ITGAE: variants seen among roughly 807,000 people sequenced by gnomAD.
ITGAE encodes the protein integrin subunit alpha E.
A neutral mutation model predicts 136.5 loss-of-function variants in ITGAE; 99 were observed. The observed-to-expected ratio is 0.73, with a 90% CI of 0.62 to 0.86. The LOEUF (loss-of-function observed/expected upper bound fraction) is 0.86, where lower values mean the gene tolerates loss of function less well. Ranked by LOEUF, ITGAE falls within the 40% of genes least tolerant of loss-of-function variation. The probability of loss-of-function intolerance (pLI) is 0.00; values close to 1 mark genes in which losing one functional copy is unlikely to be tolerated. For missense variants in ITGAE, 1,447 were observed against 1,515.3 expected, an observed-to-expected ratio of 0.95 and a Z score of 0.75; for synonymous variants, 613 against 591.8, an observed-to-expected ratio of 1.04 and a Z score of -0.52.
At position 3,785,713 on chromosome 17, in the gene ITGAE, TTACAG is replaced by T. The variant is rs553683661; in HGVS notation, c.35-8058_35-8054del. ...CGTATCAATGAAACAGCAAACCAAC[TTACAG>T]TAGAGAAAACTAATGATGCTGAAGT... On this transcript the variant is annotated intron_variant, in intron 1 of 30. Coordinates refer to ENST00000263087, the MANE Select transcript of ITGAE (RefSeq NM_002208.5). Among the ~76,000 whole-genome samples, 9 of 151,302 alleles carry T rather than the reference TTACAG, an allele frequency of 5.9e-5. 1 individual carries two copies. The South Asian group carries it at 1.7e-3, about 28-fold the overall frequency.
intron 26 of ITGAE, chr17:3,725,509 A>G: frequency 1.2e-6 from 2 of 1,614,236 alleles, no homozygotes; most frequent in Non-Finnish European, 1.7e-6. Flanking sequence ...AATGGATCCC[A>G]TCAGAAAACC....
intron 3 of ITGAE, 131 bp downstream of exon 3, chr17:3,763,738 T>C (rs2052228391): frequency 1.4e-6 from 1 of 734,728 alleles, no homozygotes; most frequent in Non-Finnish European, 2.4e-6. Context: ...TGCTGTGGGT[T>C]ATGCTGGAGT....
chr17:3,777,098 C>A (rs1374986099), intron 2 of ITGAE, among the ~76,000 whole-genome samples: 5 of 152,140 alleles, frequency 3.3e-5, no homozygotes, highest in African/African-American at 1.2e-4. Flanking sequence ...GTAGCTGGGA[C>A]TACAGGCGCC....
At chr17:3,776,744 TG>T (rs397774339) in intron 2 of ITGAE, among the ~76,000 whole-genome samples, 3 of 151,404 alleles carry the variant, frequency 2.0e-5, no homozygotes, top group Admixed American at 6.6e-5. Flanking sequence ...TTTTTTGAGT[TG>T]GGGGGGTCTC....
At chr17:3,716,926 A>G (rs1200027109) in intron 29 of ITGAE, 128 bp from the exon 30 acceptor site, 4 of 606,586 alleles carry the variant, frequency 6.6e-6, no homozygotes, top group Non-Finnish European at 1.2e-5. Context: ...AGCTGATGAC[A>G]GTAAAGCAAA....
chr17:3,796,113 GTGCATCCC>G (rs780336258), intron 1 of ITGAE, among the ~76,000 whole-genome samples: 5 of 67,640 alleles, frequency 7.4e-5, no homozygotes, highest in East Asian at 2.7e-4. Flanking sequence ...GCATCCCTGT[GTGCATCCC>G]TGTGTGTGCA....
intron 23 of ITGAE, among the ~76,000 whole-genome samples, chr17:3,730,184 G>C (rs80136041): frequency 1.3e-5 from 2 of 151,818 alleles, no homozygotes; most frequent in Non-Finnish European, 2.9e-5. Flanking sequence ...GGCTGGGCGC[G>C]GTGGCTCATG....
At chr17:3,762,372 T>C (rs1597344555) in intron 3 of ITGAE, among the ~76,000 whole-genome samples, 1 of 152,072 alleles carries the variant, frequency 6.6e-6, no homozygotes, top group Non-Finnish European at 1.5e-5. Flanking sequence ...CAAGATACCG[T>C]GGGACTGGCT....
At chr17:3,728,520 C>T (rs1325233927) in intron 24 of ITGAE, 2 of 190,906 alleles carry the variant, frequency 1.0e-5, no homozygotes, top group Non-Finnish European at 2.2e-5. Flanking sequence ...TTACAGGCGC[C>T]TGCCACCACA....
At chr17:3,727,689 G>A (rs921575533) in intron 26 of ITGAE, among the ~76,000 whole-genome samples, 9 of 152,062 alleles carry the variant, frequency 5.9e-5, no homozygotes, top group Admixed American at 2.0e-4. Context: ...GTGAGCCACC[G>A]CACCTGGCCA....
chr17:3,732,501 C>T (rs761987646), intron 21 of ITGAE, 35 bp from the exon 22 acceptor site: 27 of 1,558,558 alleles, frequency 1.7e-5, no homozygotes, highest in Non-Finnish European at 2.4e-5. Context: ...TCTTAAAGAG[C>T]CAAACAAAAC....
At position 3,728,308 on chromosome 17, in the gene ITGAE, A is replaced by T. The variant is rs60628049; in HGVS notation, c.2913-140T>A. Reference sequence around the variant, plus strand: ...AGCCTCAACCTCCCAGGCTCAAGTGATCCTCCACCTCAGCCTGGGAAAGTG... The same window carrying T: ...AGCCTCAACCTCCCAGGCTCAAGTGTTCCTCCACCTCAGCCTGGGAAAGTG... On this transcript the variant is annotated intron_variant, in intron 24 of 30. Coordinates refer to ENST00000263087, the MANE Select transcript of ITGAE (RefSeq NM_002208.5). 7 of 656,432 alleles carry T rather than the reference A, an allele frequency of 1.1e-5. No individual in the cohort carries two copies. The Admixed American group carries it at 1.5e-4, about 14-fold the overall frequency. 40.7% of individuals were successfully genotyped at this position (656,432 alleles called of 1,614,324 possible).
At chr17:3,744,447 T>TCTCTC (rs1555520831) in intron 18 of ITGAE, among the ~76,000 whole-genome samples, 3 of 31,568 alleles carry the variant, frequency 9.5e-5, no homozygotes, top group African/African-American at 4.2e-4. Context: ...GTTCTTTCTC[T>TCTCTC]TTTTTTTTTT....
intron 3 of ITGAE, among the ~76,000 whole-genome samples, chr17:3,763,049 C>T (rs1454158525): frequency 6.6e-6 from 1 of 152,036 alleles, no homozygotes; most frequent in Non-Finnish European, 1.5e-5. Context: ...TGCACCACCA[C>T]GCCTGGCTGA....
chr17:3,729,000 C>T lies in ITGAE; in HGVS notation c.2912+478G>A, dbSNP rs2051280526. Among the ~76,000 whole-genome samples, 2 of 150,954 alleles carry T rather than the reference C, an allele frequency of 1.3e-5. 1 individual carries two copies. Among genetic ancestry groups the T allele is most frequent in the East Asian group, 3.9e-4 (2 of 5,094 alleles). On this transcript the variant is annotated intron_variant, in intron 24 of 30. Coordinates refer to ENST00000263087, the MANE Select transcript of ITGAE (RefSeq NM_002208.5). ...GCAGTGAGCCGAGATGGCACCACTG[C>T]ACTCCAGCCTGGGCGACAGAGTGAG...
chr17:3,756,028 G>T, intron 10 of ITGAE, 131 bp from the exon 11 acceptor site: 1 of 798,496 alleles, frequency 1.3e-6, no homozygotes, highest in Non-Finnish European at 2.0e-6. Flanking sequence ...GAACCCGGCT[G>T]AGGGTAGAGA....
chr17:3,736,181 C>T (rs1227091700), intron 20 of ITGAE, among the ~76,000 whole-genome samples: 1 of 151,812 alleles, frequency 6.6e-6, no homozygotes, highest in East Asian at 1.9e-4. Context: ...GTGGTGCAGG[C>T]ACTTGTAATC....
At chr17:3,778,748 T>C (rs562005946) in intron 1 of ITGAE, among the ~76,000 whole-genome samples, 16 of 152,288 alleles carry the variant, frequency 1.1e-4, no homozygotes, top group Admixed American at 8.5e-4. Context: ...GGCCTTTCCA[T>C]GAAGAAATCA....
chr17:3,753,964 C>A, intron 12 of ITGAE, 39 bp from the exon 13 acceptor site: 1 of 1,600,558 alleles, frequency 6.2e-7, no homozygotes, highest in Non-Finnish European at 8.5e-7. Context: ...ACACCGTGTG[C>A]TCCCACCTGG....
Sources: gnomAD v4.1 joint callset for allele counts (sites outside exome capture counted in the v4.1 genomes callset) on GRCh38, gnomAD v4.1.1 for gene constraint, MANE v1.5 for transcripts, NCBI Gene and HGNC (gene_info 2026-07-23, HGNC 2026-07-21) for gene names.